The following CTNNBL1 variants were observed in gnomAD, a reference collection of about 807,000 sequenced individuals.
CTNNBL1 encodes the protein beta-catenin-like protein 1.
Under a neutral mutation model 72.7 loss-of-function variants are expected in CTNNBL1, and 31 were observed. That is an observed-to-expected ratio of 0.43 (90% CI 0.32 to 0.58). CTNNBL1 has a LOEUF of 0.58. Ranked by LOEUF, CTNNBL1 falls within the 20% of genes least tolerant of loss-of-function variation. CTNNBL1 has a pLI of 0.08. For missense variants in CTNNBL1, 534 were observed against 725.1 expected, an observed-to-expected ratio of 0.74 and a Z score of 3.03; for synonymous variants, 240 against 267.3, an observed-to-expected ratio of 0.90 and a Z score of 1.00.
At chr20:37,710,536 C>T (rs1291425984) in intron 1 of CTNNBL1, among the ~76,000 whole-genome samples, 1 of 152,118 alleles carries the variant, frequency 6.6e-6, no homozygotes, top group Non-Finnish European at 1.5e-5. Context: ...CTATATTTTC[C>T]ATGTTGCTTT....
chr20:37,809,487 G>T (rs1279857473), intron 11 of CTNNBL1, among the ~76,000 whole-genome samples: 2 of 152,186 alleles, frequency 1.3e-5, no homozygotes, highest in African/African-American at 4.8e-5. Flanking sequence ...TGGGGTCATT[G>T]TGAGGCTCAT....
At chr20:37,869,658 T>G (rs900987458) in intron 15 of CTNNBL1, among the ~76,000 whole-genome samples, 1 of 152,046 alleles carries the variant, frequency 6.6e-6, no homozygotes, top group African/African-American at 2.4e-5. Flanking sequence ...GAGTGAGAGG[T>G]GACCAGGCAG....
chr20:37,848,703 C>G (rs2072368397), intron 13 of CTNNBL1, among the ~76,000 whole-genome samples: 1 of 152,136 alleles, frequency 6.6e-6, no homozygotes, highest in Non-Finnish European at 1.5e-5. Flanking sequence ...AATTCTGGTC[C>G]CACACCTCTG....
intron 11 of CTNNBL1, among the ~76,000 whole-genome samples, chr20:37,829,539 AC>A (rs1372767778): frequency 2.6e-5 from 4 of 152,006 alleles, no homozygotes; most frequent in African/African-American, 9.7e-5. Context: ...TCTGATCTGC[AC>A]CCCATCTTTC....
intron 1 of CTNNBL1, among the ~76,000 whole-genome samples, chr20:37,699,588 C>T (rs940232394): frequency 6.6e-6 from 1 of 152,200 alleles, no homozygotes; most frequent in African/African-American, 2.4e-5. Context: ...TTGAATAATA[C>T]ATACATCTTA....
At position 37,779,284 on chromosome 20, in the gene CTNNBL1, G is replaced by T. The variant is rs756755975; in HGVS notation, c.980G>T (p.Arg327Leu). The change falls in exon 10 of 16, where the codon CGT becomes CTT. Residue 327 changes from arginine to leucine, a missense_variant. Coordinates refer to ENST00000361383, the MANE Select transcript of CTNNBL1 (RefSeq NM_030877.5). ...TCCTGTCTAATGCTTAGTTCCAATC[G>T]TGAGCGCTTCCTGAAGGGCGAGGGT... ...LCSCLMLSSN[R>L]ERFLKGEGLQ... The T allele has an allele frequency of 6.2e-7, 1 of 1,613,760 alleles. No homozygotes were observed. Among genetic ancestry groups the T allele is most frequent in the South Asian group, 1.1e-5 (1 of 91,054 alleles).
At chr20:37,777,747 A>T in intron 9 of CTNNBL1, 35 bp downstream of exon 9, 2 of 1,602,376 alleles carry the variant, frequency 1.2e-6, no homozygotes, top group Non-Finnish European at 1.7e-6. Context: ...CTGCTGTAAG[A>T]TACATGGTCT....
chr20:37,784,020 T>G (rs960774464), intron 10 of CTNNBL1, among the ~76,000 whole-genome samples: 1 of 152,194 alleles, frequency 6.6e-6, no homozygotes, highest in Non-Finnish European at 1.5e-5. Context: ...TTTATCTATC[T>G]GGGTGCTCCA....
chr20:37,761,382 G>T (rs988950127), intron 5 of CTNNBL1, among the ~76,000 whole-genome samples: 1 of 152,216 alleles, frequency 6.6e-6, no homozygotes, highest in Non-Finnish European at 1.5e-5. Context: ...GCCCTATCTT[G>T]GTTTGCCTTG....
At chr20:37,804,209 AC>A (rs1347577475) in intron 11 of CTNNBL1, among the ~76,000 whole-genome samples, 1 of 152,050 alleles carries the variant, frequency 6.6e-6, no homozygotes, top group African/African-American at 2.4e-5. Flanking sequence ...AAATATGTTA[AC>A]CCCGTGCTAG....
chr20:37,872,021 T>C lies in CTNNBL1; in HGVS notation c.*8T>C. The C allele has an allele frequency of 6.2e-7, 1 of 1,612,050 alleles. No individual in the cohort carries two copies. The highest frequency in any genetic ancestry group is 8.5e-7 in the Non-Finnish European group (1 of 1,178,156). On this transcript the variant is annotated 3_prime_UTR_variant, in exon 16 of 16. Coordinates refer to ENST00000361383, the MANE Select transcript of CTNNBL1 (RefSeq NM_030877.5). ...TTGCTGGAGAACTTCTAGAGGCACC[T>C]TGGCCCTGCGCATCATGGACTCTCT...
chr20:37,836,138 T>C lies in CTNNBL1; in HGVS notation c.1214-3964T>C, dbSNP rs560357818. Among the ~76,000 whole-genome samples the C allele has an allele frequency of 7.2e-5, 11 of 152,322 alleles. No individual in the cohort carries two copies. In the South Asian group the frequency reaches 2.3e-3, roughly 32 times the overall value. Reference sequence around the variant, plus strand: ...AACAAAACAGTAAAAGAAATTGCTTTCTGTGGTTGTGTGTAAATTCATCTT... The same window carrying C: ...AACAAAACAGTAAAAGAAATTGCTTCCTGTGGTTGTGTGTAAATTCATCTT... On this transcript the variant is annotated intron_variant, in intron 11 of 15. Coordinates refer to ENST00000361383, the MANE Select transcript of CTNNBL1 (RefSeq NM_030877.5).
chr20:37,701,663 A>G (rs1484202542), intron 1 of CTNNBL1, among the ~76,000 whole-genome samples: 2 of 152,206 alleles, frequency 1.3e-5, no homozygotes, highest in African/African-American at 2.4e-5. Flanking sequence ...CACTGGGGAC[A>G]GTGATTCTTG....
Position 37,743,365 on chromosome 20 carries a change from T to A in CTNNBL1, c.327-3103T>A, listed in dbSNP as rs528274532. On this transcript the variant is annotated intron_variant, in intron 3 of 15. Coordinates refer to ENST00000361383, the MANE Select transcript of CTNNBL1 (RefSeq NM_030877.5). ...TTGAATCCTTCTGCACCAGCCTTAC[T>A]GAGTCATGATTCTGATTTAGCTTCC... is the stretch of plus-strand genomic sequence containing the variant. Among the ~76,000 whole-genome samples, 6 of 152,118 alleles carry A rather than the reference T, an allele frequency of 3.9e-5. No individual in the cohort carries two copies. The South Asian group carries it at 1.2e-3, about 32-fold the overall frequency.
chr20:37,790,044 TTTG>T (rs927144566), intron 10 of CTNNBL1, among the ~76,000 whole-genome samples: 8 of 152,260 alleles, frequency 5.3e-5, no homozygotes, highest in East Asian at 1.9e-4. Flanking sequence ...ACCACCAGTT[TTTG>T]TTGTTGTTGT....
chr20:37,786,581 A>G (rs1046180195), intron 10 of CTNNBL1, among the ~76,000 whole-genome samples: 4 of 152,198 alleles, frequency 2.6e-5, no homozygotes, highest in Non-Finnish European at 5.9e-5. Context: ...TATGTGTGAT[A>G]TAAATATGCA....
At chr20:37,826,146 CTGCA>C (rs2072157849) in intron 11 of CTNNBL1, among the ~76,000 whole-genome samples, 1 of 152,224 alleles carries the variant, frequency 6.6e-6, no homozygotes, top group African/African-American at 2.4e-5. Context: ...TCTGTTCCCT[CTGCA>C]TTCATAGAGA....
intron 11 of CTNNBL1, among the ~76,000 whole-genome samples, chr20:37,831,921 C>T (rs2072213669): frequency 6.6e-6 from 1 of 152,176 alleles, no homozygotes; most frequent in African/African-American, 2.4e-5. Flanking sequence ...TGCAGGAAGA[C>T]CAAAAGGCAA....
chr20:37,860,370 G>A (rs775425466), intron 15 of CTNNBL1, 26 bp downstream of exon 15: 39 of 1,538,152 alleles, frequency 2.5e-5, no homozygotes, highest in Non-Finnish European at 3.3e-5. Context: ...CTCATGTCTG[G>A]GGCTCCAGAG....
Sources: gnomAD v4.1 joint callset for allele counts (sites outside exome capture counted in the v4.1 genomes callset) on GRCh38, gnomAD v4.1.1 for gene constraint, MANE v1.5 for transcripts, NCBI Gene and HGNC (gene_info 2026-07-23, HGNC 2026-07-21) for gene names.